CLSTN2: variants seen among roughly 807,000 people sequenced by gnomAD.
CLSTN2 encodes calsyntenin 2.
In CLSTN2, 48 loss-of-function variants were observed where a neutral mutation model predicts 101.2. The observed-to-expected ratio is 0.47, with a 90% confidence interval of 0.38 to 0.60. The LOEUF (loss-of-function observed/expected upper bound fraction) is 0.60, where lower values mean the gene tolerates loss of function less well. Among genes scored for constraint, CLSTN2 ranks in the 20% least tolerant of loss-of-function variants. The pLI, the probability that CLSTN2 is intolerant of heterozygous loss-of-function variation, is 0.00. For synonymous variants in CLSTN2, 481 were observed against 463.6 expected, an observed-to-expected ratio of 1.04 and a Z score of -0.48; for missense variants, 1,160 against 1,238.2, an observed-to-expected ratio of 0.94 and a Z score of 0.95.
rs1045207995 is a variant in CLSTN2 at position 140,569,548 on chromosome 3, C to A, written c.*3295C>A. On this transcript the variant is annotated 3_prime_UTR_variant, in exon 17 of 17. Transcript: ENST00000458420. The stretch of plus-strand genomic sequence containing the variant: ...AAGCAACCGGCTAGTTGGTAGCCTG[C>A]CTTAAAAAATACTAAACATATATCA... 2 of 152,184 alleles carry A rather than the reference C, an allele frequency of 1.3e-5. No individual in the cohort carries two copies. The highest frequency in any genetic ancestry group is 4.8e-5 in the African/African-American group (2 of 41,430). The allele number at this position is 152,184 out of a possible 1,614,324, so 9.4% of individuals were successfully genotyped here.
At chr3:140,215,419 C>A (rs1055195465) in intron 2 of CLSTN2, among the ~76,000 whole-genome samples, 3 of 152,206 alleles carry the variant, frequency 2.0e-5, no homozygotes, top group African/African-American at 7.2e-5. Flanking sequence ...TTCACAAACA[C>A]ACTTTAACTG....
chr3:139,980,602 C>A (rs1323049724), intron 1 of CLSTN2, among the ~76,000 whole-genome samples: 4 of 147,772 alleles, frequency 2.7e-5, no homozygotes, highest in Admixed American at 6.7e-5. Context: ...TCTTGCTTTA[C>A]ATTTCTTCAT....
intron 1 of CLSTN2, among the ~76,000 whole-genome samples, chr3:139,959,890 G>T (rs920105920): frequency 6.6e-6 from 1 of 152,062 alleles, no homozygotes; most frequent in Non-Finnish European, 1.5e-5. Flanking sequence ...AAACCAAAAT[G>T]TCTTTGACTG....
chr3:140,445,819 A>G (rs1222481550), intron 5 of CLSTN2, among the ~76,000 whole-genome samples: 1 of 152,134 alleles, frequency 6.6e-6, no homozygotes, highest in Non-Finnish European at 1.5e-5. Flanking sequence ...GGATTCTGTC[A>G]CAGTTTCTAC....
chr3:140,493,354 T>G (rs1389273431), intron 8 of CLSTN2, among the ~76,000 whole-genome samples: 1 of 152,250 alleles, frequency 6.6e-6, no homozygotes, highest in African/African-American at 2.4e-5. Context: ...AAAGTGTTTT[T>G]AATTAAATCT....
At chr3:140,481,066 T>G (rs1208904102) in intron 8 of CLSTN2, among the ~76,000 whole-genome samples, 2 of 152,228 alleles carry the variant, frequency 1.3e-5, no homozygotes, top group Non-Finnish European at 2.9e-5. Flanking sequence ...GTTCGAGGGT[T>G]TTTATGGTTT....
chr3:140,183,361 G>C (rs541842886), intron 2 of CLSTN2, among the ~76,000 whole-genome samples: 1 of 152,132 alleles, frequency 6.6e-6, no homozygotes, highest in African/African-American at 2.4e-5. Flanking sequence ...GAAGGTCCTC[G>C]TAAACCAGAG....
At chr3:140,497,807 A>G (rs905259582) in intron 8 of CLSTN2, among the ~76,000 whole-genome samples, 1 of 152,194 alleles carries the variant, frequency 6.6e-6, no homozygotes, top group African/African-American at 2.4e-5. Flanking sequence ...ATCAGACCCA[A>G]GACCCTGATG....
At chr3:140,429,480 A>T (rs567490187) in intron 5 of CLSTN2, among the ~76,000 whole-genome samples, 8 of 152,262 alleles carry the variant, frequency 5.3e-5, no homozygotes, top group African/African-American at 1.9e-4. Context: ...GGTGTTAGGT[A>T]GGAAGGAGCA....
intron 1 of CLSTN2, among the ~76,000 whole-genome samples, chr3:140,168,878 C>T (rs2010172547): frequency 6.6e-6 from 1 of 152,072 alleles, no homozygotes; most frequent in Non-Finnish European, 1.5e-5. Context: ...TAATACCACA[C>T]TATCTTGATT....
At chr3:140,139,451 T>C (rs1166898006) in intron 1 of CLSTN2, among the ~76,000 whole-genome samples, 1 of 152,220 alleles carries the variant, frequency 6.6e-6, no homozygotes, top group African/African-American at 2.4e-5. Flanking sequence ...TGAATCCACA[T>C]GGTTCAATAG....
At chr3:140,435,466 T>C (rs2108000506) in intron 5 of CLSTN2, among the ~76,000 whole-genome samples, 1 of 152,356 alleles carries the variant, frequency 6.6e-6, no homozygotes, top group East Asian at 1.9e-4. Context: ...TCCATTTATC[T>C]GTTAATGGAC....
chr3:140,158,277 A>G (rs1462337268), intron 1 of CLSTN2, among the ~76,000 whole-genome samples: 1 of 152,196 alleles, frequency 6.6e-6, no homozygotes, highest in Non-Finnish European at 1.5e-5. Context: ...CTCTTCACTG[A>G]TGATATGATT....
rs144689816 is a variant in CLSTN2, at chr3:139,947,848, AT to A, written c.109+12375del. Among the ~76,000 whole-genome samples the A allele has an allele frequency of 8.3e-4, 124 of 149,748 alleles. 1 individual carries two copies. Among genetic ancestry groups the A allele is most frequent in the Middle Eastern group, 3.5e-3 (1 of 286 alleles). On this transcript the variant is annotated intron_variant, in intron 1 of 16. Transcript: ENST00000458420. Reference sequence around the variant, plus strand: ...AATAAAGCATTTTTATTGCACTTGCATTTTTTTTTTCCTTTTTTAACAACTC... The same window carrying A: ...AATAAAGCATTTTTATTGCACTTGCATTTTTTTTTCCTTTTTTAACAACTC...
intron 2 of CLSTN2, among the ~76,000 whole-genome samples, chr3:140,239,493 T>C (rs1454189217): frequency 1.3e-5 from 2 of 152,200 alleles, no homozygotes; most frequent in Non-Finnish European, 2.9e-5. Flanking sequence ...CTCTTTTGCA[T>C]ACTTAAAAAT....
intron 7 of CLSTN2, among the ~76,000 whole-genome samples, chr3:140,463,831 G>T (rs1189826215): frequency 6.6e-6 from 1 of 152,172 alleles, no homozygotes. Flanking sequence ...GCAACCAGAG[G>T]GCTGCCTGCC....
chr3:140,243,271 C>T (rs1426720718), intron 2 of CLSTN2, among the ~76,000 whole-genome samples: 6 of 152,168 alleles, frequency 3.9e-5, no homozygotes, highest in East Asian at 3.9e-4. Flanking sequence ...CAAGTTAGGA[C>T]GTGATTACTC....
chr3:140,021,419 C>T (rs1054396492), intron 1 of CLSTN2, among the ~76,000 whole-genome samples: 1 of 152,136 alleles, frequency 6.6e-6, no homozygotes, highest in Non-Finnish European at 1.5e-5. Context: ...GCGTGGCGTA[C>T]CGGCAGCATT....
At position 140,566,881 on chromosome 3, in the gene CLSTN2, T is replaced by C. The variant is rs1985274037; in HGVS notation, c.*628T>C. On this transcript the variant is annotated 3_prime_UTR_variant, in exon 17 of 17. Coordinates refer to ENST00000458420, the MANE Select transcript of CLSTN2 (RefSeq NM_022131.3). ...CCCCTTGCTTCTTTCTGAGGCCATA[T>C]AAGCTTATAAGAAAAGTCCCAAACC... The C allele has an allele frequency of 6.5e-6, 1 of 153,078 alleles. No homozygotes were observed. Among genetic ancestry groups the C allele is most frequent in the Non-Finnish European group, 1.5e-5 (1 of 68,766 alleles). 9.5% of individuals were successfully genotyped at this position (153,078 alleles called of 1,614,324 possible). A position where few individuals can be genotyped will look rare whatever the true frequency, so the allele number is the denominator to read the frequency against.
Sources: gnomAD v4.1 joint callset for allele counts (sites outside exome capture counted in the v4.1 genomes callset) on GRCh38, gnomAD v4.1.1 for gene constraint, MANE v1.5 for transcripts, NCBI Gene and HGNC (gene_info 2026-07-23, HGNC 2026-07-21) for gene names.